Variants in SLC15A1 observed in about 807,000 individuals in gnomAD.
The protein encoded by SLC15A1 is solute carrier family 15 member 1.
In SLC15A1, 83 loss-of-function variants were observed where a neutral mutation model predicts 92.9. The ratio of observed to expected loss-of-function variants is 0.89; its 90% confidence interval spans 0.75 to 1.07. The LOEUF (loss-of-function observed/expected upper bound fraction) is 1.07. SLC15A1 is among the 50% of genes least tolerant of loss of function. SLC15A1 has a pLI of 0.00. For missense variants in SLC15A1, 857 were observed against 880.1 expected, an observed-to-expected ratio of 0.97 and a Z score of 0.33; for synonymous variants, 322 against 318.2, an observed-to-expected ratio of 1.01 and a Z score of -0.13.
At chr13:98,708,920 G>A (rs565597496) in intron 14 of SLC15A1, among the ~76,000 whole-genome samples, 153 bp from the exon 15 acceptor site, 2 of 149,390 alleles carry the variant, frequency 1.3e-5, no homozygotes, top group Non-Finnish European at 3.0e-5. Flanking sequence ...GGATTCATGA[G>A]GATTCAAGGA....
intron 18 of SLC15A1, among the ~76,000 whole-genome samples, chr13:98,689,224 G>A (rs1037198144): frequency 6.6e-6 from 1 of 152,184 alleles, no homozygotes; most frequent in Non-Finnish European, 1.5e-5. Context: ...GCAGGTGGGA[G>A]CCACTGCGCC....
intron 1 of SLC15A1, among the ~76,000 whole-genome samples, chr13:98,749,623 G>A (rs1291660076): frequency 6.6e-6 from 1 of 152,122 alleles, no homozygotes; most frequent in African/African-American, 2.4e-5. Flanking sequence ...GAAGTTTTCT[G>A]CTATTCAGAG....
At chr13:98,741,633 A>G (rs562696740) in intron 1 of SLC15A1, among the ~76,000 whole-genome samples, 10 of 150,144 alleles carry the variant, frequency 6.7e-5, no homozygotes, top group Non-Finnish European at 1.3e-4. Context: ...CTGAGGCCCG[A>G]GAATTGCTTG....
intron 5 of SLC15A1, 80 bp from the exon 6 acceptor site, chr13:98,721,983 T>A (rs1279856352): frequency 8.5e-7 from 1 of 1,177,292 alleles, no homozygotes; most frequent in African/African-American, 1.5e-5. Context: ...TTTCCCTCAG[T>A]GGGCCTGGCA....
chr13:98,731,331 G>A (rs952412572), intron 1 of SLC15A1, among the ~76,000 whole-genome samples: 5 of 152,210 alleles, frequency 3.3e-5, no homozygotes, highest in African/African-American at 9.6e-5. Context: ...GGGCTGGTCG[G>A]GCAAGCGTGT....
intron 8 of SLC15A1, among the ~76,000 whole-genome samples, chr13:98,716,422 G>A (rs538016498): frequency 6.6e-6 from 1 of 152,262 alleles, no homozygotes; most frequent in South Asian, 2.1e-4. Flanking sequence ...AGGAGTTTGA[G>A]ACCAGCCTGA....
intron 10 of SLC15A1, 25 bp downstream of exon 10, chr13:98,712,473 C>A: frequency 6.4e-7 from 1 of 1,552,358 alleles, no homozygotes; most frequent in South Asian, 1.1e-5. Context: ...GAATCAGGGT[C>A]ATTGTAGCAA....
At chr13:98,726,600 A>G in intron 2 of SLC15A1, 151 bp from the exon 3 acceptor site, 1 of 792,536 alleles carries the variant, frequency 1.3e-6, no homozygotes, top group South Asian at 1.5e-5. Flanking sequence ...TAATCATTTT[A>G]TTCCCTACAC....
intron 1 of SLC15A1, among the ~76,000 whole-genome samples, chr13:98,729,349 T>C (rs1304921478): frequency 6.6e-6 from 1 of 152,192 alleles, no homozygotes; most frequent in Non-Finnish European, 1.5e-5. Context: ...GCAGCTCAAC[T>C]GGAAGGCAAG....
At chr13:98,737,790 G>C (rs757045717) in intron 1 of SLC15A1, among the ~76,000 whole-genome samples, 1 of 152,232 alleles carries the variant, frequency 6.6e-6, no homozygotes, top group Non-Finnish European at 1.5e-5. Context: ...AAATGTAGAA[G>C]AGCTTTGGAA....
At chr13:98,690,890 T>C (rs916166071) in intron 18 of SLC15A1, among the ~76,000 whole-genome samples, 1 of 152,206 alleles carries the variant, frequency 6.6e-6, no homozygotes, top group Non-Finnish European at 1.5e-5. Flanking sequence ...CCTGGCCCCC[T>C]GGCAGCCATT....
At chr13:98,741,723 CAAAAAAAA>C (rs61421254) in intron 1 of SLC15A1, among the ~76,000 whole-genome samples, 1 of 81,934 alleles carries the variant, frequency 1.2e-5, no homozygotes, top group Admixed American at 1.1e-4. Context: ...GACTCCGTCT[CAAAAAAAA>C]AAAAAAAAAA....
At chr13:98,739,876 CTTAA>C (rs1566459245) in intron 1 of SLC15A1, among the ~76,000 whole-genome samples, 1 of 151,744 alleles carries the variant, frequency 6.6e-6, no homozygotes, top group Non-Finnish European at 1.5e-5. Flanking sequence ...TTGGCAGATT[CTTAA>C]TTGAGTATGG....
intron 16 of SLC15A1, 67 bp downstream of exon 16, chr13:98,706,067 C>A (rs111753042): frequency 0.025 from 37,908 of 1,541,726 alleles, 601 homozygotes; most frequent in South Asian, 0.043. Context: ...AGAAAAACAG[C>A]TTCTCTAAAT....
chr13:98,713,086 T>C (rs1285878163), intron 9 of SLC15A1, among the ~76,000 whole-genome samples: 5 of 152,236 alleles, frequency 3.3e-5, no homozygotes, highest in Admixed American at 3.3e-4. Flanking sequence ...AGACAAGGTC[T>C]TGCTCTGTCG....
chr13:98,739,476 T>C (rs2088422649), intron 1 of SLC15A1, among the ~76,000 whole-genome samples: 1 of 152,204 alleles, frequency 6.6e-6, no homozygotes, highest in Admixed American at 6.5e-5. Context: ...CAGTTTCTCA[T>C]GAATGGTTTA....
intron 1 of SLC15A1, among the ~76,000 whole-genome samples, chr13:98,747,772 T>A (rs1408980013): frequency 1.3e-5 from 2 of 152,072 alleles, no homozygotes; most frequent in Non-Finnish European, 2.9e-5. Flanking sequence ...TCCCAGCTAC[T>A]CTGGAGGCTG....
chr13:98,687,538 C>A, intron 21 of SLC15A1, 43 bp downstream of exon 21: 1 of 1,597,182 alleles, frequency 6.3e-7, no homozygotes, highest in Non-Finnish European at 8.5e-7. Context: ...TTTCTGCAGG[C>A]AGGGGTATTG....
chr13:98,713,141 T>G (rs75502220), intron 9 of SLC15A1, among the ~76,000 whole-genome samples: 12,467 of 152,242 alleles, frequency 0.082, 1,138 homozygotes, highest in African/African-American at 0.22. Flanking sequence ...ACTGGAGCCT[T>G]GACCTCCCAG....
Sources: gnomAD v4.1 joint callset for allele counts (sites outside exome capture counted in the v4.1 genomes callset) on GRCh38, gnomAD v4.1.1 for gene constraint, MANE v1.5 for transcripts, NCBI Gene and HGNC (gene_info 2026-07-23, HGNC 2026-07-21) for gene names.